Variants in ZC3H12B observed in about 807,000 individuals in gnomAD.
ZC3H12B encodes the protein zinc finger CCCH-type containing 12B, also known as probable ribonuclease ZC3H12B.
Under a neutral mutation model 43.9 loss-of-function variants are expected in ZC3H12B, and 7 were observed. The ratio of observed to expected loss-of-function variants is 0.16; its 90% CI spans 0.09 to 0.30. ZC3H12B has a LOEUF of 0.30. ZC3H12B is among the 10% of genes least tolerant of loss of function. The pLI is 1.00. For synonymous variants in ZC3H12B, 222 were observed against 241.7 expected (o/e 0.92, Z 0.76); for missense variants, 475 against 670.2 (o/e 0.71, Z 3.22).
chrX:65,192,397 C>T, the ZC3H12B span, among the ~76,000 whole-genome samples: 1 of 111,030 alleles, frequency 9.0e-6, no homozygotes, highest in African/African-American at 3.3e-5. Flanking sequence ...TTTTGAATAA[C>T]AGTGGTGTTA....
the ZC3H12B span, among the ~76,000 whole-genome samples, chrX:65,312,689 T>C: frequency 3.2e-4 from 36 of 111,359 alleles, no homozygotes; most frequent in South Asian, 0.014. Flanking sequence ...GCCAGTAGAT[T>C]GAATATATAG....
At chrX:65,201,844 T>A in the ZC3H12B span, among the ~76,000 whole-genome samples, 1 of 106,679 alleles carries the variant, frequency 9.4e-6, no homozygotes, top group Non-Finnish European at 1.9e-5. Flanking sequence ...GTTTTCTCCA[T>A]GCTGTTCTCG....
chrX:65,167,830 G>T, the ZC3H12B span, among the ~76,000 whole-genome samples: 3 of 111,412 alleles, frequency 2.7e-5, no homozygotes. Flanking sequence ...TCATGATTTG[G>T]CTCTCTATTT....
chrX:65,176,740 A>T, the ZC3H12B span, among the ~76,000 whole-genome samples: 2 of 111,943 alleles, frequency 1.8e-5, no homozygotes, highest in Non-Finnish European at 3.8e-5. Context: ...AAGAGGTCAA[A>T]TCCCTGAACA....
intron 1 of ZC3H12B, among the ~76,000 whole-genome samples, chrX:65,495,311 A>G (rs139836390): frequency 1.8e-5 from 2 of 112,139 alleles, no homozygotes; most frequent in African/African-American, 3.2e-5. Flanking sequence ...AATTTTTGCA[A>G]TTTGCCTCAA....
chrX:65,283,726 G>T, the ZC3H12B span, among the ~76,000 whole-genome samples: 2 of 111,331 alleles, frequency 1.8e-5, no homozygotes, highest in Admixed American at 9.5e-5. Context: ...CTAAAGAAAG[G>T]TGTCATTTTC....
intron 3 of ZC3H12B, among the ~76,000 whole-genome samples, chrX:65,432,785 TAGA>T (rs2067178829): frequency 8.9e-6 from 1 of 111,937 alleles, no homozygotes. Flanking sequence ...TTGACTTGGG[TAGA>T]AGGACAAATT....
chrX:65,410,212 GA>G (rs1275079721), intron 3 of ZC3H12B, among the ~76,000 whole-genome samples: 1 of 110,781 alleles, frequency 9.0e-6, no homozygotes, highest in Non-Finnish European at 1.9e-5. Context: ...ATACTTTGGG[GA>G]AAAGACAGTC....
chrX:65,139,978 GT>G, the ZC3H12B span, among the ~76,000 whole-genome samples: 19 of 106,492 alleles, frequency 1.8e-4, no homozygotes, highest in East Asian at 1.2e-3. Flanking sequence ...AGTTCTAAAA[GT>G]TTTTTTTTTG....
chrX:65,372,919 C>T (rs1280259899), intron 2 of ZC3H12B, among the ~76,000 whole-genome samples: 1 of 112,111 alleles, frequency 8.9e-6, no homozygotes, highest in Non-Finnish European at 1.9e-5. Context: ...TAGTAAAATA[C>T]ATAAAACTGA....
the ZC3H12B span, among the ~76,000 whole-genome samples, chrX:65,276,823 G>A: frequency 0.011 from 1,216 of 111,529 alleles, 51 homozygotes; most frequent in Admixed American, 0.099. Context: ...ATAGGAGAGT[G>A]AGTAAAGAGC....
chrX:65,256,086 C>T, the ZC3H12B span, among the ~76,000 whole-genome samples: 78 of 111,935 alleles, frequency 7.0e-4, no homozygotes, highest in Admixed American at 1.4e-3. Context: ...ACAATAATAG[C>T]AGGAGACTTC....
chrX:65,478,322 T>C (rs1226930545), intron 3 of ZC3H12B, among the ~76,000 whole-genome samples: 1 of 112,285 alleles, frequency 8.9e-6, no homozygotes, highest in African/African-American at 3.2e-5. Flanking sequence ...TATGGGCTCA[T>C]GCCACTATGC....
At chrX:65,167,724 G>T in the ZC3H12B span, among the ~76,000 whole-genome samples, 3 of 111,572 alleles carry the variant, frequency 2.7e-5, no homozygotes, top group African/African-American at 9.8e-5. Context: ...TTCAGCAGTG[G>T]TTTGTAGTTC....
At chrX:65,335,089 C>T in the ZC3H12B span, among the ~76,000 whole-genome samples, 1 of 111,889 alleles carries the variant, frequency 8.9e-6, no homozygotes, top group Non-Finnish European at 1.9e-5. Context: ...TGAAAGCACT[C>T]TCATAATATG....
the ZC3H12B span, among the ~76,000 whole-genome samples, chrX:65,157,203 A>G: frequency 4.2e-4 from 47 of 111,193 alleles, no homozygotes; most frequent in East Asian, 0.013. Context: ...CTGGTCTCAG[A>G]CTTCTGTGCT....
chrX:65,044,647 T>A, the ZC3H12B span, among the ~76,000 whole-genome samples: 1 of 110,654 alleles, frequency 9.0e-6, no homozygotes, highest in Admixed American at 9.6e-5. Flanking sequence ...AGAAAATGGT[T>A]GGATTAGGGT....
At chrX:65,124,856 C>T in the ZC3H12B span, among the ~76,000 whole-genome samples, 1 of 110,586 alleles carries the variant, frequency 9.0e-6, no homozygotes, top group Non-Finnish European at 1.9e-5. Flanking sequence ...TCTTATTGAC[C>T]TTATTTGGAT....
the ZC3H12B span, among the ~76,000 whole-genome samples, chrX:65,263,487 A>G: frequency 1.8e-5 from 2 of 111,201 alleles, no homozygotes; most frequent in Admixed American, 1.9e-4. Flanking sequence ...GGATGAATTA[A>G]TGGAACCATG....
Sources: allele counts gnomAD v4.1 joint callset (sites outside exome capture counted in the v4.1 genomes callset), GRCh38; gene constraint gnomAD v4.1.1; transcripts MANE v1.5; gene names NCBI Gene and HGNC (gene_info 2026-07-23, HGNC 2026-07-21).